RASSF3: variants seen among roughly 807,000 people sequenced by gnomAD.
The protein encoded by RASSF3 is ras association domain-containing protein 3.
RASSF3 carries 19 observed loss-of-function variants against 19.9 expected under a neutral mutation model. That is an observed-to-expected ratio of 0.96 (90% CI 0.67 to 1.40). RASSF3 has a LOEUF of 1.40. Among genes scored for constraint, RASSF3 ranks in the 40% most tolerant of loss-of-function variants. The pLI is 0.00. For missense variants in RASSF3, 306 were observed against 289.8 expected (o/e 1.06, Z -0.41); for synonymous variants, 110 against 104.2 (o/e 1.06, Z -0.34).
At chr12:64,525,021 C>G (rs1391062953) in intron 1 of RASSF3, among the ~76,000 whole-genome samples, 1 of 152,136 alleles carries the variant, frequency 6.6e-6, no homozygotes, top group African/African-American at 2.4e-5. Flanking sequence ...CACACCTGTA[C>G]TCCCAGCACT....
At chr12:64,627,146 G>A (rs2136169818) in intron 1 of RASSF3, among the ~76,000 whole-genome samples, 1 of 152,296 alleles carries the variant, frequency 6.6e-6, no homozygotes, top group South Asian at 2.1e-4. Context: ...GGTGTGTTTA[G>A]AGACTACTAA....
intron 1 of RASSF3, chr12:64,507,566 T>C (rs1218897941): frequency 6.2e-6 from 2 of 321,582 alleles, no homozygotes; most frequent in Middle Eastern, 8.2e-4. Flanking sequence ...ATTGTATGCT[T>C]TTTAGGCATT....
chr12:64,588,416 G>A (rs1364124460), intron 2 of RASSF3, among the ~76,000 whole-genome samples: 1 of 151,966 alleles, frequency 6.6e-6, no homozygotes, highest in Non-Finnish European at 1.5e-5. Flanking sequence ...TGGGCGTGGT[G>A]GCTCACGCCT....
intron 2 of RASSF3, among the ~76,000 whole-genome samples, chr12:64,580,309 ATGG>A (rs928992514): frequency 6.6e-6 from 1 of 152,170 alleles, no homozygotes; most frequent in African/African-American, 2.4e-5. Flanking sequence ...AAAATTGCAC[ATGG>A]TAAAGGTAAA....
At chr12:64,592,294 G>T (rs909763256) in intron 2 of RASSF3, among the ~76,000 whole-genome samples, 1 of 152,112 alleles carries the variant, frequency 6.6e-6, no homozygotes, top group African/African-American at 2.4e-5. Flanking sequence ...TATCCTGGAG[G>T]TTATTCCATA....
intron 4 of RASSF3, among the ~76,000 whole-genome samples, chr12:64,692,876 C>T (rs1868305087): frequency 1.3e-5 from 2 of 152,070 alleles, no homozygotes; most frequent in African/African-American, 2.4e-5. Flanking sequence ...TGCACCTGGC[C>T]TTAACTTAGT....
intron 1 of RASSF3, among the ~76,000 whole-genome samples, chr12:64,521,526 C>T (rs1868479629): frequency 6.6e-6 from 1 of 152,166 alleles, no homozygotes; most frequent in Non-Finnish European, 1.5e-5. Context: ...CTTTTAATTT[C>T]GAAAGTCCTC....
At chr12:64,609,649 T>C (rs1328934504), upstream of RASSF3, among the ~76,000 whole-genome samples, 1 of 152,214 alleles carries the variant, frequency 6.6e-6, no homozygotes, top group African/African-American at 2.4e-5. Flanking sequence ...TTTTTGTACG[T>C]GGATGGATGG....
intron 1 of RASSF3, among the ~76,000 whole-genome samples, chr12:64,641,071 G>A (rs866567930): frequency 1.4e-4 from 22 of 151,888 alleles, no homozygotes; most frequent in Admixed American, 5.9e-4. Context: ...GTCAATCATC[G>A]TTTGGATCGT....
At chr12:64,628,476 G>A (rs1185803227) in intron 1 of RASSF3, 2 of 152,094 alleles carry the variant, frequency 1.3e-5, no homozygotes, top group African/African-American at 4.8e-5. Context: ...GAAGGAGTAT[G>A]TTCATTTCCT....
intron 1 of RASSF3, among the ~76,000 whole-genome samples, chr12:64,644,940 G>T (rs1360764994): frequency 6.6e-6 from 1 of 151,828 alleles, no homozygotes; most frequent in East Asian, 1.9e-4. Context: ...TTAGCATGGT[G>T]CCGTGTGCCA....
rs981056777 is a variant in RASSF3 at position 64,696,491 on chromosome 12, C to A, written c.*1579C>A. 6.6e-6 allele frequency: 1 copy of A among 152,110 alleles called. No homozygotes were observed. The highest frequency in any genetic ancestry group is 1.9e-4 in the East Asian group (1 of 5,204). 9.4% of individuals were successfully genotyped at this position (152,110 alleles called of 1,614,324 possible). On this transcript the variant is annotated 3_prime_UTR_variant, in exon 5 of 5. Coordinates refer to ENST00000542104, the MANE Select transcript of RASSF3 (RefSeq NM_178169.4). ...AGGGGCCTTATATTCTATTTTTAGT[C>A]TAGATATTTTTTGTTTATAAATTCC... is the stretch of plus-strand genomic sequence containing the variant.
intron 1 of RASSF3, among the ~76,000 whole-genome samples, chr12:64,537,617 C>G (rs934872137): frequency 6.6e-6 from 1 of 152,216 alleles, no homozygotes. Context: ...CATCTCTGCT[C>G]AGTTCCATTG....
At chr12:64,668,562 C>T (rs1872598062) in intron 1 of RASSF3, among the ~76,000 whole-genome samples, 1 of 152,106 alleles carries the variant, frequency 6.6e-6, no homozygotes, top group African/African-American at 2.4e-5. Flanking sequence ...TGTGAGCCAC[C>T]ATGTCCAGCC....
chr12:64,693,144 CTTTTTTTTTT>C (rs71434057), intron 4 of RASSF3, among the ~76,000 whole-genome samples: 1 of 128,754 alleles, frequency 7.8e-6, no homozygotes, highest in Admixed American at 7.8e-5. Flanking sequence ...CCATGTTGCT[CTTTTTTTTTT>C]TTTTTTTTTT....
upstream of RASSF3, among the ~76,000 whole-genome samples, chr12:64,606,872 C>T (rs1870202804): frequency 6.7e-6 from 1 of 150,240 alleles, no homozygotes; most frequent in African/African-American, 2.5e-5. Flanking sequence ...TTTATTCCAC[C>T]CCCTTCCCTG....
intron 1 of RASSF3, among the ~76,000 whole-genome samples, 183 bp downstream of exon 1, chr12:64,610,926 G>A (rs1381900435): frequency 2.6e-5 from 4 of 152,140 alleles, no homozygotes; most frequent in Non-Finnish European, 1.5e-5. Flanking sequence ...GAGCTTGTGC[G>A]TGTAGGCGAG....
At chr12:64,688,511 C>T in intron 3 of RASSF3, 58 bp downstream of exon 3, 3 of 1,226,862 alleles carry the variant, frequency 2.4e-6, no homozygotes, top group Non-Finnish European at 3.6e-6. Flanking sequence ...CTGCTGTTCT[C>T]ATTAGCAGAG....
upstream of RASSF3, among the ~76,000 whole-genome samples, chr12:64,606,874 C>T (rs148481331): frequency 5.3e-5 from 8 of 152,076 alleles, no homozygotes; most frequent in African/African-American, 1.9e-4. Context: ...TATTCCACCC[C>T]CTTCCCTGAA....
Sources: gnomAD v4.1 joint callset for allele counts (sites outside exome capture counted in the v4.1 genomes callset) on GRCh38, gnomAD v4.1.1 for gene constraint, MANE v1.5 for transcripts, NCBI Gene and HGNC (gene_info 2026-07-23, HGNC 2026-07-21) for gene names.